XKR9: variants seen among roughly 807,000 people sequenced by gnomAD.
XKR9 encodes the protein XK related 9.
In XKR9, 32 loss-of-function variants were observed where a neutral mutation model predicts 32.0. The observed-to-expected ratio is 1.00, with a 90% CI of 0.76 to 1.34. The LOEUF is 1.34. XKR9 is among the 40% of genes most tolerant of loss of function. The pLI is 0.00. For synonymous variants in XKR9, 168 were observed against 143.4 expected (o/e 1.17, Z -1.22); for missense variants, 546 against 429.7 (o/e 1.27, Z -2.39).
intron 2 of XKR9, among the ~76,000 whole-genome samples, chr8:70,766,386 T>C (rs752654819): frequency 4.6e-5 from 7 of 152,346 alleles, no homozygotes; most frequent in Non-Finnish European, 8.8e-5. Flanking sequence ...GGGAGTTCAC[T>C]CATGATTTGA....
the XKR9 span, among the ~76,000 whole-genome samples, chr8:70,814,730 C>G: frequency 6.6e-6 from 1 of 152,132 alleles, no homozygotes; most frequent in Non-Finnish European, 1.5e-5. Flanking sequence ...ATTGCTAGTA[C>G]TGGAAGTCCT....
the XKR9 span, among the ~76,000 whole-genome samples, chr8:70,819,388 G>A: frequency 6.6e-6 from 1 of 152,186 alleles, no homozygotes; most frequent in Non-Finnish European, 1.5e-5. Context: ...TTTCCAGCAT[G>A]TTACTAACAT....
rs367840561 is a variant in XKR9, at chr8:70,710,762, CAA to C, written c.493+3617_493+3618del. Among the ~76,000 whole-genome samples the C allele has an allele frequency of 5.9e-3, 893 of 150,180 alleles. 12 individuals are homozygous for C. The highest frequency in any genetic ancestry group is 0.021 in the African/African-American group (854 of 41,110). On this transcript the variant is annotated intron_variant, in intron 4 of 4. Transcript: ENST00000408926. ...AAACAAAAAACAAAAGCAATTGCAA[CAA>C]AAAAAAAGTTGACAGGTGTGACTTA...
chr8:70,935,208 T>TACACACAC, the XKR9 span, among the ~76,000 whole-genome samples: 11,007 of 145,364 alleles, frequency 0.076, 603 homozygotes, highest in African/African-American at 0.15. Context: ...TATACATATA[T>TACACACAC]ACACACACAC....
chr8:70,812,994 A>G, the XKR9 span, among the ~76,000 whole-genome samples: 2 of 152,188 alleles, frequency 1.3e-5, no homozygotes, highest in African/African-American at 2.4e-5. Flanking sequence ...AGTCAATCCT[A>G]AGCCAAAAGA....
At chr8:71,013,070 G>A in the XKR9 span, among the ~76,000 whole-genome samples, 1 of 152,138 alleles carries the variant, frequency 6.6e-6, no homozygotes, top group Non-Finnish European at 1.5e-5. Context: ...TTGTCATAAA[G>A]TGAGTGTTGT....
the XKR9 span, among the ~76,000 whole-genome samples, chr8:71,054,087 A>G: frequency 6.6e-6 from 1 of 152,200 alleles, no homozygotes; most frequent in Non-Finnish European, 1.5e-5. Context: ...TCAGCATCAC[A>G]TGGAGCAGAA....
chr8:70,812,025 T>C, the XKR9 span, among the ~76,000 whole-genome samples: 2 of 152,032 alleles, frequency 1.3e-5, no homozygotes, highest in South Asian at 2.1e-4. Flanking sequence ...TGATGAACAT[T>C]GATGCAAAAA....
At chr8:71,041,515 T>TA in the XKR9 span, among the ~76,000 whole-genome samples, 2 of 152,230 alleles carry the variant, frequency 1.3e-5, no homozygotes, top group Non-Finnish European at 2.9e-5. Flanking sequence ...CTAAATAAGA[T>TA]AAAATGATCG....
intron 4 of XKR9, among the ~76,000 whole-genome samples, chr8:70,725,622 G>A (rs894460516): frequency 1.3e-5 from 2 of 151,972 alleles, no homozygotes; most frequent in Non-Finnish European, 2.9e-5. Flanking sequence ...AAAAGTTCAT[G>A]GGGCTGGGTG....
chr8:70,722,754 G>T (rs572263109), intron 4 of XKR9, among the ~76,000 whole-genome samples: 2 of 152,158 alleles, frequency 1.3e-5, no homozygotes, highest in East Asian at 3.9e-4. Flanking sequence ...CAACCTTGGA[G>T]AATCTGATGG....
intron 2 of XKR9, among the ~76,000 whole-genome samples, chr8:70,753,600 G>A (rs1269491268): frequency 6.6e-6 from 1 of 151,966 alleles, no homozygotes; most frequent in Non-Finnish European, 1.5e-5. Flanking sequence ...GGGATGCAAG[G>A]CTGGTTCAAT....
rs774566496 is a variant in XKR9, at chr8:70,734,192, G to A, written c.890G>A (p.Gly297Asp). 3.1e-6 allele frequency: 5 copies of A among 1,613,344 alleles called. No homozygotes were observed. In the East Asian group the frequency reaches 1.1e-4, roughly 36 times the overall value. ...TGTTATTATATTGTTAGGGTACTGG[G>A]CACTTTGGGGATATTGACTGTATTC... ...MSCYYIVRVL[G>D]TLGILTVFWV... Residue 297 changes from glycine (G) to aspartate (D), a missense_variant, in exon 5 of 5, where the codon GGC becomes GAC. Coordinates refer to ENST00000408926, the MANE Select transcript of XKR9 (RefSeq NM_001011720.2).
chr8:70,713,284 C>T (rs1805981293), intron 4 of XKR9, among the ~76,000 whole-genome samples: 1 of 151,988 alleles, frequency 6.6e-6, no homozygotes, highest in South Asian at 2.1e-4. Context: ...TATTAAGAGA[C>T]ATGAGAGATA....
chr8:70,904,906 C>G, the XKR9 span, among the ~76,000 whole-genome samples: 2 of 152,150 alleles, frequency 1.3e-5, no homozygotes, highest in Non-Finnish European at 1.5e-5. Context: ...ATATGAAATT[C>G]TGGGTTGAAA....
chr8:71,065,538 G>A, the XKR9 span, among the ~76,000 whole-genome samples: 49,200 of 152,146 alleles, frequency 0.32, 9,296 homozygotes, highest in Non-Finnish European at 0.44. Flanking sequence ...GGCAGCCCAA[G>A]CTGATCAATA....
At chr8:70,941,841 GCTAT>G in the XKR9 span, among the ~76,000 whole-genome samples, 3 of 151,998 alleles carry the variant, frequency 2.0e-5, no homozygotes, top group Non-Finnish European at 4.4e-5. Context: ...TACCTGTTGA[GCTAT>G]CTTTTATTTG....
At chr8:70,949,055 G>A in the XKR9 span, among the ~76,000 whole-genome samples, 1 of 152,126 alleles carries the variant, frequency 6.6e-6, no homozygotes, top group African/African-American at 2.4e-5. Context: ...CAAGCGAGTT[G>A]CCAGAATGCT....
At chr8:70,859,428 T>C in the XKR9 span, among the ~76,000 whole-genome samples, 1 of 152,154 alleles carries the variant, frequency 6.6e-6, no homozygotes, top group African/African-American at 2.4e-5. Context: ...TAAATTAGTA[T>C]ATCCGTAAGA....
Sources: allele counts gnomAD v4.1 joint callset (sites outside exome capture counted in the v4.1 genomes callset), GRCh38; gene constraint gnomAD v4.1.1; transcripts MANE v1.5; gene names NCBI Gene and HGNC (gene_info 2026-07-23, HGNC 2026-07-21).